Variants in DPP10 observed in about 807,000 individuals in gnomAD.
DPP10 encodes the protein dipeptidyl peptidase like 10.
Under a neutral mutation model 120.9 loss-of-function variants are expected in DPP10, and 33 were observed. That is an observed-to-expected ratio of 0.27 (90% confidence interval 0.21 to 0.37). The LOEUF is 0.37. DPP10 is among the 10% of genes least tolerant of loss of function. The pLI, the probability that DPP10 is intolerant of heterozygous loss-of-function variation, is 1.00. For synonymous variants in DPP10, 337 were observed against 326.1 expected (o/e 1.03, Z -0.36); for missense variants, 816 against 942.8 (o/e 0.87, Z 1.76).
chr2:115,663,435 A>G (rs1400357837), intron 5 of DPP10, among the ~76,000 whole-genome samples: 1 of 152,120 alleles, frequency 6.6e-6, no homozygotes, highest in East Asian at 1.9e-4. Context: ...TCATTGCGCT[A>G]GTCTTGACTT....
intron 1 of DPP10, among the ~76,000 whole-genome samples, chr2:114,738,750 C>A (rs1056581793): frequency 6.6e-6 from 1 of 152,202 alleles, no homozygotes; most frequent in African/African-American, 2.4e-5. Context: ...ACCTGTGGCC[C>A]TTTCAGTGGC....
intron 5 of DPP10, among the ~76,000 whole-genome samples, chr2:115,612,891 A>G (rs2084219280): frequency 6.6e-6 from 1 of 151,972 alleles, no homozygotes; most frequent in Admixed American, 6.6e-5. Context: ...TTTTCTTTCA[A>G]TCACGATAAA....
chr2:115,327,312 C>T (rs1279453069), intron 2 of DPP10, among the ~76,000 whole-genome samples: 1 of 151,968 alleles, frequency 6.6e-6, no homozygotes, highest in African/African-American at 2.4e-5. Context: ...GCACATTCCT[C>T]AGAACATATC....
chr2:115,240,108 A>C (rs2058202329), intron 1 of DPP10, among the ~76,000 whole-genome samples: 2 of 152,152 alleles, frequency 1.3e-5, no homozygotes, highest in South Asian at 2.1e-4. Context: ...AATCCTTTGG[A>C]TATACACCCA....
At chr2:114,499,169 T>C (rs1294069679) in intron 1 of DPP10, among the ~76,000 whole-genome samples, 1 of 152,168 alleles carries the variant, frequency 6.6e-6, no homozygotes, top group Non-Finnish European at 1.5e-5. Context: ...AGTGGCCAAC[T>C]TCATTCTCAT....
chr2:114,837,922 A>C (rs1687869738), intron 1 of DPP10, among the ~76,000 whole-genome samples: 1 of 152,230 alleles, frequency 6.6e-6, no homozygotes, highest in Admixed American at 6.5e-5. Context: ...TTTCAGTCAG[A>C]GTAGAATAAG....
chr2:115,699,003 A>G (rs1288558931), intron 7 of DPP10, among the ~76,000 whole-genome samples: 1 of 141,146 alleles, frequency 7.1e-6, no homozygotes, highest in Non-Finnish European at 1.5e-5. Flanking sequence ...AAATTGGCAA[A>G]CCTTTAGTTA....
At chr2:115,625,664 C>G (rs2085301686) in intron 5 of DPP10, among the ~76,000 whole-genome samples, 1 of 152,066 alleles carries the variant, frequency 6.6e-6, no homozygotes, top group South Asian at 2.1e-4. Flanking sequence ...TTTGTTTCTA[C>G]AACTCCATGT....
At chr2:115,334,748 G>A (rs1242772457) in intron 2 of DPP10, among the ~76,000 whole-genome samples, 1 of 151,868 alleles carries the variant, frequency 6.6e-6, no homozygotes, top group Non-Finnish European at 1.5e-5. Context: ...ATGTGAAGGT[G>A]CTTTATAGGG....
intron 1 of DPP10, among the ~76,000 whole-genome samples, chr2:114,568,073 C>T (rs1689344646): frequency 7.1e-6 from 1 of 141,220 alleles, no homozygotes; most frequent in Non-Finnish European, 1.5e-5. Flanking sequence ...AAAAAGTGTC[C>T]AAAATTGGGT....
At chr2:114,465,551 C>A (rs1371227628) in intron 1 of DPP10, among the ~76,000 whole-genome samples, 2 of 152,128 alleles carry the variant, frequency 1.3e-5, no homozygotes, top group African/African-American at 4.8e-5. Context: ...GTTAGGGTAG[C>A]ACATGTTAAA....
intron 1 of DPP10, among the ~76,000 whole-genome samples, chr2:114,963,332 A>C (rs961686138): frequency 6.6e-6 from 1 of 152,252 alleles, no homozygotes; most frequent in African/African-American, 2.4e-5. Context: ...AGTATCTGTC[A>C]AAGTAAACAC....
intron 1 of DPP10, among the ~76,000 whole-genome samples, chr2:115,151,482 A>G (rs1218803173): frequency 6.9e-6 from 1 of 145,804 alleles, no homozygotes; most frequent in Non-Finnish European, 1.5e-5. Flanking sequence ...ATCTCGGCTC[A>G]CTGCAACCTC....
At chr2:115,061,321 C>A (rs1262205911) in intron 1 of DPP10, among the ~76,000 whole-genome samples, 1 of 152,076 alleles carries the variant, frequency 6.6e-6, no homozygotes, top group East Asian at 1.9e-4. Flanking sequence ...GAAAATGAAT[C>A]ATTTACTTTT....
chr2:115,559,628 G>T (rs907646346), intron 5 of DPP10, among the ~76,000 whole-genome samples: 1 of 151,940 alleles, frequency 6.6e-6, no homozygotes, highest in Admixed American at 6.6e-5. Context: ...AATAATCAAA[G>T]TTATTAGTTT....
intron 3 of DPP10, among the ~76,000 whole-genome samples, chr2:115,478,694 A>G (rs1456107768): frequency 6.6e-6 from 1 of 152,202 alleles, no homozygotes; most frequent in African/African-American, 2.4e-5. Flanking sequence ...GAAAATGCCT[A>G]CAACTCAACA....
At chr2:115,366,928 C>T (rs1480299113) in intron 3 of DPP10, among the ~76,000 whole-genome samples, 2 of 152,016 alleles carry the variant, frequency 1.3e-5, no homozygotes, top group Non-Finnish European at 2.9e-5. Context: ...GTTGGTCATG[C>T]CCAAGACAAA....
intron 1 of DPP10, among the ~76,000 whole-genome samples, chr2:114,999,179 G>A (rs1701280008): frequency 6.6e-6 from 1 of 152,088 alleles, no homozygotes; most frequent in African/African-American, 2.4e-5. Context: ...GCACATAAAA[G>A]GAGCAAAGTA....
chr2:115,597,843 C>T (rs1005365297), intron 5 of DPP10, among the ~76,000 whole-genome samples: 1 of 151,956 alleles, frequency 6.6e-6, no homozygotes, highest in Admixed American at 6.6e-5. Flanking sequence ...ATCAGACCAA[C>T]TCTTCTGTCA....
Sources: gnomAD v4.1 joint callset for allele counts (sites outside exome capture counted in the v4.1 genomes callset) on GRCh38, gnomAD v4.1.1 for gene constraint, MANE v1.5 for transcripts, NCBI Gene and HGNC (gene_info 2026-07-23, HGNC 2026-07-21) for gene names.